Variants in PIBF1 observed in about 807,000 individuals in gnomAD.
PIBF1 encodes progesterone-induced-blocking factor 1.
PIBF1 carries 90 observed loss-of-function variants against 112.5 expected under a neutral mutation model. That is an observed-to-expected ratio of 0.80 (90% CI 0.67 to 0.95). The LOEUF is 0.95. PIBF1 is among the 40% of genes least tolerant of loss of function. The probability of loss-of-function intolerance (pLI) is 0.00; values close to 1 mark genes in which losing one functional copy is unlikely to be tolerated. For synonymous variants in PIBF1, 301 were observed against 288.6 expected (o/e 1.04, Z -0.44); for missense variants, 915 against 852.3 (o/e 1.07, Z -0.92).
intron 17 of PIBF1, among the ~76,000 whole-genome samples, chr13:72,999,980 T>C (rs577550526): frequency 2.0e-5 from 3 of 152,306 alleles, no homozygotes; most frequent in Admixed American, 6.5e-5. Flanking sequence ...GGCAGGAGAA[T>C]TGTCGGTGCG....
At chr13:72,831,556 T>A (rs2037114553) in intron 8 of PIBF1, among the ~76,000 whole-genome samples, 1 of 152,220 alleles carries the variant, frequency 6.6e-6, no homozygotes, top group South Asian at 2.1e-4. Flanking sequence ...TTGTTCATTT[T>A]CCATGTAGTT....
At chr13:72,794,443 T>C (rs1295133509) in intron 3 of PIBF1, among the ~76,000 whole-genome samples, 2 of 152,106 alleles carry the variant, frequency 1.3e-5, no homozygotes, top group Non-Finnish European at 2.9e-5. Context: ...GGGATTGATA[T>C]AGTAGGGAAG....
At chr13:72,925,328 G>A (rs1028381324) in intron 13 of PIBF1, among the ~76,000 whole-genome samples, 3 of 152,050 alleles carry the variant, frequency 2.0e-5, no homozygotes, top group African/African-American at 7.2e-5. Flanking sequence ...TATTGGTTGG[G>A]TTATGAAGAA....
chr13:72,946,328 G>A (rs1046140350), intron 14 of PIBF1, among the ~76,000 whole-genome samples: 5 of 152,108 alleles, frequency 3.3e-5, no homozygotes, highest in East Asian at 1.9e-4. Context: ...GTAACTGCCC[G>A]CATGATTAAT....
chr13:72,992,186 C>T (rs941797471), intron 16 of PIBF1, among the ~76,000 whole-genome samples: 3 of 152,140 alleles, frequency 2.0e-5, no homozygotes, highest in Non-Finnish European at 2.9e-5. Flanking sequence ...GAGTGAGACC[C>T]TGTCTCAGTC....
intron 14 of PIBF1, among the ~76,000 whole-genome samples, chr13:72,936,861 G>A (rs1167742683): frequency 6.6e-6 from 1 of 151,946 alleles, no homozygotes; most frequent in Non-Finnish European, 1.5e-5. Flanking sequence ...TGAATATATA[G>A]ATGAAGCAGA....
Position 72,827,913 on chromosome 13 carries a change from AG to A in PIBF1, c.1097+1del. Reference sequence around the variant, plus strand: ...GATGTATGAAAAATATGTAGCATCCAGGCAAGATTTGCATTATTTCCCACGT... The same window carrying A: ...GATGTATGAAAAATATGTAGCATCCAGCAAGATTTGCATTATTTCCCACGT... ...EEMYEKYVAS[R>X]DHYKTEYENK... On this transcript the variant is annotated frameshift_variant and splice_region_variant, in exon 8 of 18. Coordinates refer to ENST00000326291, the MANE Select transcript of PIBF1 (RefSeq NM_006346.4). LOFTEE classifies it high-confidence loss of function. The A allele has an allele frequency of 6.4e-7, 1 of 1,550,828 alleles. No homozygotes were observed. The highest frequency in any genetic ancestry group is 8.7e-7 in the Non-Finnish European group (1 of 1,145,652).
At chr13:72,806,321 A>G (rs2035729668) in intron 5 of PIBF1, among the ~76,000 whole-genome samples, 2 of 151,484 alleles carry the variant, frequency 1.3e-5, no homozygotes, top group South Asian at 2.1e-4. Flanking sequence ...ATTGGTTTCA[A>G]TTAGCATAAT....
chr13:73,013,162 G>T (rs986260023), intron 17 of PIBF1, among the ~76,000 whole-genome samples: 4 of 149,638 alleles, frequency 2.7e-5, no homozygotes, highest in Admixed American at 2.7e-4. Context: ...TTAGCCGGGC[G>T]TGGTGGCGGG....
At chr13:72,830,359 T>G (rs749919487) in intron 8 of PIBF1, among the ~76,000 whole-genome samples, 10 of 152,222 alleles carry the variant, frequency 6.6e-5, no homozygotes, top group Non-Finnish European at 1.0e-4. Flanking sequence ...GTGCCAGTTT[T>G]CAAAGGGAAC....
At chr13:72,983,198 G>T (rs2043195248) in intron 16 of PIBF1, among the ~76,000 whole-genome samples, 1 of 152,088 alleles carries the variant, frequency 6.6e-6, no homozygotes, top group African/African-American at 2.4e-5. Flanking sequence ...TACTCGGTTG[G>T]CTGTTGTGGG....
At chr13:72,989,889 C>T (rs1161417190) in intron 16 of PIBF1, among the ~76,000 whole-genome samples, 1 of 152,030 alleles carries the variant, frequency 6.6e-6, no homozygotes, top group Non-Finnish European at 1.5e-5. Context: ...ATTTTTGTGT[C>T]ATTGAAAATT....
rs13378533 is a variant in PIBF1 at position 72,854,916 on chromosome 13, A to G, written c.1322+761A>G. On this transcript the variant is annotated intron_variant, in intron 10 of 17. Coordinates refer to ENST00000326291, the MANE Select transcript of PIBF1 (RefSeq NM_006346.4). ...CTTTAATTTACCAATAGAAAATGAT[A>G]TTTATTTTAATAGCCTTGTTAAAAG... Among the ~76,000 whole-genome samples the G allele has an allele frequency of 7.5e-3, 1,136 of 152,186 alleles. 13 individuals are homozygous for G. The highest frequency in any genetic ancestry group is 0.024 in the Middle Eastern group (7 of 294).
chr13:72,904,401 A>C, intron 11 of PIBF1, among the ~76,000 whole-genome samples: 1 of 112,264 alleles, frequency 8.9e-6, no homozygotes, highest in Non-Finnish European at 1.9e-5. Flanking sequence ...TGTTGCATAC[A>C]TTTGTCATTT....
At chr13:72,806,281 G>A (rs2035725673) in intron 5 of PIBF1, among the ~76,000 whole-genome samples, 1 of 151,884 alleles carries the variant, frequency 6.6e-6, no homozygotes, top group Admixed American at 6.6e-5. Context: ...CGTCATATGA[G>A]TAGAGTCCTA....
At chr13:72,911,176 G>A (rs956041794) in intron 12 of PIBF1, among the ~76,000 whole-genome samples, 9 of 151,902 alleles carry the variant, frequency 5.9e-5, no homozygotes, top group African/African-American at 2.2e-4. Context: ...GCAACATAGC[G>A]TGACCTCCTC....
chr13:72,787,403 G>A (rs999389126), intron 2 of PIBF1, among the ~76,000 whole-genome samples: 28 of 152,080 alleles, frequency 1.8e-4, no homozygotes, highest in Admixed American at 1.8e-3. Context: ...CCCTCTGGTC[G>A]ATTGTGAGGA....
intron 5 of PIBF1, among the ~76,000 whole-genome samples, chr13:72,817,890 C>T (rs2036357924): frequency 6.6e-6 from 1 of 152,030 alleles, no homozygotes; most frequent in Admixed American, 6.6e-5. Context: ...ACAATAAATG[C>T]AGGAGATTTT....
chr13:72,844,910 C>T (rs1335598407), intron 9 of PIBF1, among the ~76,000 whole-genome samples: 1 of 149,682 alleles, frequency 6.7e-6, no homozygotes, highest in Non-Finnish European at 1.5e-5. Context: ...GTGTGAGCCA[C>T]CATTCCCAGA....
Sources: gnomAD v4.1 joint callset for allele counts (sites outside exome capture counted in the v4.1 genomes callset) on GRCh38, gnomAD v4.1.1 for gene constraint, MANE v1.5 for transcripts, NCBI Gene and HGNC (gene_info 2026-07-23, HGNC 2026-07-21) for gene names.